SRGAP3: variants seen among roughly 807,000 people sequenced by gnomAD.
SRGAP3 encodes the protein SLIT-ROBO Rho GTPase-activating protein 3.
In SRGAP3, 39 loss-of-function variants were observed where a neutral mutation model predicts 121.1. That is an observed-to-expected ratio of 0.32 (90% CI 0.25 to 0.42). SRGAP3 has a LOEUF of 0.42. Among genes scored for constraint, SRGAP3 ranks in the 10% least tolerant of loss-of-function variants. SRGAP3 has a pLI of 1.00. For synonymous variants in SRGAP3, 601 were observed against 570.0 expected (o/e 1.05, Z -0.77); for missense variants, 1,213 against 1,470.6 (o/e 0.82, Z 2.86).
In SRGAP3 at chr3:9,287,139, G is replaced by A. The variant is rs899418860; in HGVS notation, n.442+38871C>T. Among the ~76,000 whole-genome samples the A allele has an allele frequency of 1.6e-4, 24 of 151,770 alleles. 1 individual carries two copies. Among genetic ancestry groups the A allele is most frequent in the Admixed American group, 1.4e-3 (21 of 15,220 alleles). ...CCTGATTAGTTGGGACTACAGGCAG[G>A]TGCCACCATGCCTGGCTAATTTTTG... On this transcript the variant is annotated intron_variant and non_coding_transcript_variant, in intron 3 of 3. Coordinates refer to the SRGAP3 transcript ENST00000490889.
Position 8,982,616 on chromosome 3 carries a change from G to A in SRGAP3, c.*2903C>T, listed in dbSNP as rs1941475923. The stretch of plus-strand genomic sequence containing the variant: ...GACTAAAACAGGCAGGAGTCAGAAA[G>A]AGAAAGCCAATGTTCAGTGAACGTC... On this transcript the variant is annotated 3_prime_UTR_variant, in exon 22 of 22. Coordinates refer to ENST00000383836, the MANE Select transcript of SRGAP3 (RefSeq NM_014850.4). The A allele has an allele frequency of 4.5e-6, 1 of 221,966 alleles. No individual in the cohort carries two copies. Among genetic ancestry groups the A allele is most frequent in the Admixed American group, 5.8e-5 (1 of 17,250 alleles). The allele number at this position is 221,966 out of a possible 1,614,324, so 13.7% of individuals were successfully genotyped here.
intron 18 of SRGAP3, among the ~76,000 whole-genome samples, chr3:8,995,695 C>T (rs1316036506): frequency 2.6e-5 from 4 of 152,020 alleles, no homozygotes; most frequent in Admixed American, 1.3e-4. Flanking sequence ...GGGGAAGAGA[C>T]GTTTTGGGGA....
intron 14 of SRGAP3, among the ~76,000 whole-genome samples, chr3:9,024,096 A>C (rs191191939): frequency 2.0e-5 from 3 of 152,274 alleles, no homozygotes; most frequent in Admixed American, 1.3e-4. Flanking sequence ...GTGGAAACAC[A>C]CAGAGAGGTC....
chr3:9,313,944 G>A (rs992690349), intron 3 of SRGAP3, among the ~76,000 whole-genome samples: 1 of 152,254 alleles, frequency 6.6e-6, no homozygotes, highest in Non-Finnish European at 1.5e-5. Context: ...AGTGAGCCGA[G>A]ATCGTGCCAC....
chr3:9,281,305 T>C (rs949985398), intron 3 of SRGAP3, among the ~76,000 whole-genome samples: 2 of 152,210 alleles, frequency 1.3e-5, no homozygotes, highest in Non-Finnish European at 2.9e-5. Flanking sequence ...GCTGAGGACT[T>C]GGCCCGTGGT....
chr3:9,177,993 C>T (rs889706059), intron 1 of SRGAP3, among the ~76,000 whole-genome samples: 2 of 151,910 alleles, frequency 1.3e-5, no homozygotes, highest in Admixed American at 1.3e-4. Flanking sequence ...TGGGGCTGGG[C>T]GTGGTGGCTC....
At chr3:9,279,489 G>A (rs1321097539) in intron 3 of SRGAP3, among the ~76,000 whole-genome samples, 1 of 151,458 alleles carries the variant, frequency 6.6e-6, no homozygotes, top group Non-Finnish European at 1.5e-5. Flanking sequence ...AGTCCAACGG[G>A]AAGCAAAACG....
At chr3:9,128,057 T>TAA (rs111436336) in intron 1 of SRGAP3, among the ~76,000 whole-genome samples, 14 of 146,892 alleles carry the variant, frequency 9.5e-5, no homozygotes, top group African/African-American at 2.0e-4. Context: ...TTAAAAAAGC[T>TAA]AAAAAAAAAA....
At chr3:9,106,331 G>A (rs569913692) in intron 2 of SRGAP3, among the ~76,000 whole-genome samples, 1 of 152,342 alleles carries the variant, frequency 6.6e-6, no homozygotes, top group East Asian at 1.9e-4. Flanking sequence ...GGAAAGGCAG[G>A]ATGTGAGGGG....
Position 9,060,223 on chromosome 3 carries a change from G to C in SRGAP3, c.801+8C>G, listed in dbSNP as rs757831732. 6.2e-7 allele frequency: 1 copy of C among 1,613,918 alleles called. No individual in the cohort carries two copies. Among genetic ancestry groups the C allele is most frequent in the South Asian group, 1.1e-5 (1 of 91,052 alleles). On this transcript the variant is annotated splice_region_variant and intron_variant, in intron 6 of 21. Coordinates refer to ENST00000383836, the MANE Select transcript of SRGAP3 (RefSeq NM_014850.4). Reference sequence around the variant, plus strand: ...CCTGCTCAGTCCCAGACTCCCCAGGGAGCTCACATCGATCAGATCAGAGAC... The same window carrying C: ...CCTGCTCAGTCCCAGACTCCCCAGGCAGCTCACATCGATCAGATCAGAGAC...
At chr3:9,017,305 T>C (rs1943687486) in intron 14 of SRGAP3, among the ~76,000 whole-genome samples, 1 of 152,210 alleles carries the variant, frequency 6.6e-6, no homozygotes, top group Admixed American at 6.5e-5. Context: ...TTATTTTGTA[T>C]TTGTACATTT....
chr3:9,006,786 A>C (rs1574892335), intron 18 of SRGAP3, among the ~76,000 whole-genome samples: 1 of 152,214 alleles, frequency 6.6e-6, no homozygotes, highest in East Asian at 1.9e-4. Flanking sequence ...GCTTCCAATT[A>C]ATAAAGTTGT....
chr3:9,206,369 T>C (rs1952266002), intron 1 of SRGAP3, among the ~76,000 whole-genome samples: 1 of 152,206 alleles, frequency 6.6e-6, no homozygotes, highest in Non-Finnish European at 1.5e-5. Context: ...GTGCGGAAGC[T>C]CAGGGAGTCT....
chr3:9,001,064 T>C (rs1942730223), intron 18 of SRGAP3, among the ~76,000 whole-genome samples: 1 of 152,184 alleles, frequency 6.6e-6, no homozygotes, highest in African/African-American at 2.4e-5. Flanking sequence ...AGCAGAATAC[T>C]GCTTGTCAGA....
intron 4 of SRGAP3, among the ~76,000 whole-genome samples, chr3:9,072,005 G>A (rs75334394): frequency 0.31 from 47,039 of 151,944 alleles, 8,756 homozygotes; most frequent in Middle Eastern, 0.46. Flanking sequence ...TCAACAGAGT[G>A]TCATTTTTAT....
chr3:9,278,830 A>C (rs929189913), intron 3 of SRGAP3, among the ~76,000 whole-genome samples: 6 of 152,154 alleles, frequency 3.9e-5, no homozygotes, highest in African/African-American at 1.4e-4. Context: ...GTTTGTTCTG[A>C]CTCAGGTATC....
At chr3:9,210,367 A>G (rs555587401) in intron 1 of SRGAP3, among the ~76,000 whole-genome samples, 56 of 152,306 alleles carry the variant, frequency 3.7e-4, no homozygotes, top group African/African-American at 1.3e-3. Flanking sequence ...TCATGCCTAC[A>G]ATCCCAGCAT....
At chr3:9,148,349 G>T (rs919221456) in intron 1 of SRGAP3, among the ~76,000 whole-genome samples, 4 of 152,184 alleles carry the variant, frequency 2.6e-5, no homozygotes, top group African/African-American at 9.7e-5. Context: ...AGCAATTTTG[G>T]GGGCAGTGCC....
intron 1 of SRGAP3, among the ~76,000 whole-genome samples, chr3:9,192,156 G>T (rs1348470078): frequency 2.6e-5 from 4 of 152,180 alleles, no homozygotes; most frequent in African/African-American, 9.7e-5. Context: ...ACTAGCTTGG[G>T]GTCCTCAAAC....
Sources: gnomAD v4.1 joint callset for allele counts (sites outside exome capture counted in the v4.1 genomes callset) on GRCh38, gnomAD v4.1.1 for gene constraint, MANE v1.5 for transcripts, NCBI Gene and HGNC (gene_info 2026-07-23, HGNC 2026-07-21) for gene names.